CTBP2: variants seen among roughly 807,000 people sequenced by gnomAD.
CTBP2 encodes C-terminal-binding protein 2.
In CTBP2, 30 loss-of-function variants were observed where a neutral mutation model predicts 80.3. The observed-to-expected ratio is 0.37, with a 90% CI of 0.28 to 0.51. The LOEUF is 0.51. Ranked by LOEUF, CTBP2 falls within the 20% of genes least tolerant of loss-of-function variation. The pLI, the probability that CTBP2 is intolerant of heterozygous loss-of-function variation, is 0.93. For synonymous variants in CTBP2, 594 were observed against 587.4 expected, an observed-to-expected ratio of 1.01 and a Z score of -0.16; for missense variants, 1,212 against 1,375.3, an observed-to-expected ratio of 0.88 and a Z score of 1.88.
At chr10:125,091,160 C>A (rs1848705575) in intron 2 of CTBP2, among the ~76,000 whole-genome samples, 1 of 152,152 alleles carries the variant, frequency 6.6e-6, no homozygotes, top group Non-Finnish European at 1.5e-5. Context: ...TGCACACATG[C>A]CCAAAGGCAG....
At chr10:124,998,438 G>A (rs1319160316) in intron 3 of CTBP2, 4 of 495,630 alleles carry the variant, frequency 8.1e-6, no homozygotes, top group African/African-American at 1.9e-5. Flanking sequence ...TCCTATGGCT[G>A]ATTTTGGGCC....
chr10:125,082,181 C>G (rs12569889), intron 2 of CTBP2, among the ~76,000 whole-genome samples: 12,176 of 152,282 alleles, frequency 0.08, 827 homozygotes, highest in East Asian at 0.3. Context: ...CCCTCCTCCC[C>G]CCAGGCAGCC....
intron 2 of CTBP2, among the ~76,000 whole-genome samples, chr10:125,108,437 C>T (rs1322746588): frequency 6.6e-6 from 1 of 152,190 alleles, no homozygotes; most frequent in African/African-American, 2.4e-5. Context: ...CTTCTGTGCC[C>T]ACATTTTAAA....
Position 124,989,048 on chromosome 10 carries a change from A to G in CTBP2, c.*470T>C, listed in dbSNP as rs1218382889. ...ACCACAGGCAAACAGTTTTCTCCCC[A>G]TTTTGTAGTAATGTGATTTTCCTAT... On this transcript the variant is annotated 3_prime_UTR_variant, in exon 9 of 9. Transcript: ENST00000309035. 4.7e-6 allele frequency: 1 copy of G among 211,408 alleles called. No individual in the cohort carries two copies. The highest frequency in any genetic ancestry group is 5.3e-5 in the Admixed American group (1 of 18,756). The allele number at this position is 211,408 out of a possible 1,614,324, so 13.1% of individuals were successfully genotyped here.
chr10:125,139,623 A>C (rs1857485835), intron 1 of CTBP2, among the ~76,000 whole-genome samples: 1 of 152,062 alleles, frequency 6.6e-6, no homozygotes, highest in African/African-American at 2.4e-5. Context: ...TAATAGCAAA[A>C]GCTACTCACC....
At chr10:125,019,655 C>T (rs1956855825) in intron 1 of CTBP2, among the ~76,000 whole-genome samples, 1 of 152,190 alleles carries the variant, frequency 6.6e-6, no homozygotes, top group Non-Finnish European at 1.5e-5. Flanking sequence ...ATATGCAGAA[C>T]TTTACTCAAA....
At chr10:125,048,148 T>C (rs1311440485) in intron 2 of CTBP2, among the ~76,000 whole-genome samples, 8 of 151,882 alleles carry the variant, frequency 5.3e-5, no homozygotes, top group South Asian at 2.1e-4. Context: ...TCAAAACCAA[T>C]GGAAACCCCC....
chr10:125,151,240 G>GGTA (rs1859804140), intron 1 of CTBP2, among the ~76,000 whole-genome samples: 3 of 152,126 alleles, frequency 2.0e-5, no homozygotes, highest in African/African-American at 7.2e-5. Context: ...AAGACGAAAC[G>GGTA]GGCCAGATCG....
intron 1 of CTBP2, among the ~76,000 whole-genome samples, chr10:125,143,688 A>G (rs1280542095): frequency 6.6e-6 from 1 of 152,200 alleles, no homozygotes; most frequent in Non-Finnish European, 1.5e-5. Flanking sequence ...AAACTACAAT[A>G]TTGCTTATGG....
chr10:125,040,817 C>T (rs1484399993), intron 2 of CTBP2, among the ~76,000 whole-genome samples: 2 of 152,144 alleles, frequency 1.3e-5, no homozygotes, highest in Non-Finnish European at 2.9e-5. Context: ...TTCCCAGCAA[C>T]GAAGCTGAAA....
Position 125,026,715 on chromosome 10 carries a change from A to G in CTBP2, c.1045T>C (p.Cys349Arg). Residue 349 changes from cysteine (C) to arginine (R), a missense_variant, in exon 1 of 9, where the codon TGC (cysteine) becomes CGC (arginine). Cys to Arg is a radical substitution (Grantham distance 180). Coordinates refer to ENST00000309035, the MANE Select transcript of CTBP2 (RefSeq NM_022802.3). ...CTCCGCAGCTGCATTTCGGTCCTGC[A>G]GCTATTGGCCAGGCGGCTCAGAACA... 6.2e-7 allele frequency: 1 copy of G among 1,612,758 alleles called. No individual in the cohort carries two copies.
rs913125714 is a variant in CTBP2 at position 124,986,046 on chromosome 10, T to A, written c.*3472A>T. The A allele has an allele frequency of 5.9e-5, 9 of 152,608 alleles. No homozygotes were observed. The highest frequency in any genetic ancestry group is 1.2e-4 in the Non-Finnish European group (8 of 68,048). The allele number at this position is 152,608 out of a possible 1,614,324, so 9.5% of individuals were successfully genotyped here. A position where few individuals can be genotyped will look rare whatever the true frequency, so the allele number is the denominator to read the frequency against. On this transcript the variant is annotated 3_prime_UTR_variant, in exon 9 of 9. Transcript: ENST00000309035. ...GTATGAAGAATTTCTCAGTGTTTAG[T>A]CTGAGAATTTTTGCATGTTGGTTAA...
chr10:125,105,682 A>T (rs187287752), intron 2 of CTBP2, among the ~76,000 whole-genome samples: 28 of 152,194 alleles, frequency 1.8e-4, no homozygotes, highest in African/African-American at 6.3e-4. Context: ...CATTTTTTTA[A>T]AAAAAAACAA....
intron 1 of CTBP2, among the ~76,000 whole-genome samples, chr10:125,117,106 A>AC (rs1268579951): frequency 1.3e-5 from 2 of 152,162 alleles, no homozygotes; most frequent in African/African-American, 4.8e-5. Context: ...CACGGGCCAC[A>AC]CCTGTGCTCT....
At chr10:125,159,477 C>G (rs991103430) in intron 1 of CTBP2, among the ~76,000 whole-genome samples, 6 of 146,350 alleles carry the variant, frequency 4.1e-5, no homozygotes, top group Non-Finnish European at 6.1e-5. Flanking sequence ...TTTGGCGGGC[C>G]GAGCCCCGCG....
Position 125,005,644 on chromosome 10 carries a change from C to T in CTBP2, c.1679-2152G>A, listed in dbSNP as rs758589323. ...GATCCGCAACAGCACCGTCACCTGA[C>T]GAGGAACCCGACACACATGGCTCCC... On this transcript the variant is annotated intron_variant, in intron 1 of 8. Coordinates refer to ENST00000309035, the MANE Select transcript of CTBP2 (RefSeq NM_022802.3). 5.2e-5 allele frequency: 84 copies of T among 1,612,820 alleles called. 1 individual carries two copies. Among genetic ancestry groups the T allele is most frequent in the South Asian group, 4.1e-4 (37 of 91,094 alleles).
chr10:125,126,671 C>G (rs1262478073), intron 1 of CTBP2, among the ~76,000 whole-genome samples: 3 of 152,270 alleles, frequency 2.0e-5, no homozygotes, highest in Non-Finnish European at 4.4e-5. Flanking sequence ...AAGCTACTAT[C>G]TGCTCCCCTA....
At chr10:125,067,237 C>T (rs1461764736) in intron 2 of CTBP2, among the ~76,000 whole-genome samples, 1 of 152,132 alleles carries the variant, frequency 6.6e-6, no homozygotes, top group Admixed American at 6.5e-5. Context: ...ATAATCAAAA[C>T]TGTCAAGGTC....
intron 1 of CTBP2, among the ~76,000 whole-genome samples, chr10:125,006,649 G>A (rs1429782705): frequency 6.6e-6 from 1 of 152,204 alleles, no homozygotes; most frequent in Non-Finnish European, 1.5e-5. Context: ...ACCTCACACA[G>A]GATTCCTGAC....
Sources: allele counts gnomAD v4.1 joint callset (sites outside exome capture counted in the v4.1 genomes callset), GRCh38; gene constraint gnomAD v4.1.1; transcripts MANE v1.5; gene names NCBI Gene and HGNC (gene_info 2026-07-23, HGNC 2026-07-21).